The following GMFB variants were observed in gnomAD, a reference collection of about 807,000 sequenced individuals.
GMFB encodes the protein glia maturation factor beta.
Under a neutral mutation model 25.6 loss-of-function variants are expected in GMFB, and 13 were observed. The ratio of observed to expected loss-of-function variants is 0.51; its 90% CI spans 0.33 to 0.81. GMFB has a LOEUF of 0.81. GMFB is among the 30% of genes least tolerant of loss of function. GMFB has a pLI of 0.02. For synonymous variants in GMFB, 57 were observed against 56.9 expected (o/e 1.00, Z 0.00); for missense variants, 146 against 175.4 (o/e 0.83, Z 0.95).
intron 1 of GMFB, chr14:54,488,462 C>G (rs1035026841): frequency 4.4e-4 from 71 of 161,100 alleles, no homozygotes; most frequent in Non-Finnish European, 4.0e-5. Flanking sequence ...AGAATTCAAT[C>G]GGAATTCGAG....
chr14:54,478,177 A>C lies in GMFB; in HGVS notation c.358-18T>G. The C allele has an allele frequency of 9.5e-7, 1 of 1,050,198 alleles. No homozygotes were observed. The highest frequency in any genetic ancestry group is 1.3e-6 in the Non-Finnish European group (1 of 748,646). The allele number at this position is 1,050,198 out of a possible 1,614,324, so 65.1% of individuals were successfully genotyped here. On this transcript the variant is annotated intron_variant, in intron 6 of 6. Transcript: ENST00000358056. Reference sequence around the variant, plus strand: ...TCAAATACCTTTAAAAAAAAAAAAAACTTGGGTCATACTTTGACACTCCAA... The same window carrying C: ...TCAAATACCTTTAAAAAAAAAAAAACCTTGGGTCATACTTTGACACTCCAA...
intron 3 of GMFB, 115 bp from the exon 4 acceptor site, chr14:54,481,573 AT>A: frequency 1.5e-6 from 1 of 668,772 alleles, no homozygotes; most frequent in South Asian, 1.7e-5. Context: ...ATGCTACAAA[AT>A]AAAATTTTAT....
intron 1 of GMFB, among the ~76,000 whole-genome samples, chr14:54,486,617 A>T (rs2031785944): frequency 6.6e-6 from 1 of 152,200 alleles, no homozygotes; most frequent in African/African-American, 2.4e-5. Flanking sequence ...ATAGCAAAAA[A>T]TTCCCATTTA....
In GMFB at chr14:54,483,720, C is replaced by T. The variant is rs1255011964; in HGVS notation, c.51G>A (p.Lys17=). ...CTTTGCGAAAACGAAACTTTCTCAG[C>T]TTTTCCACTAAATCTTCGGCAACAT... ...VCDVAEDLVE[K]LRKFRFRKET... is the part of the protein sequence containing the mutation. The change falls in exon 2 of 7, where the codon AAG becomes AAA. Residue 17 remains lysine (K), a synonymous_variant. Transcript: ENST00000358056. 1 of 1,611,202 alleles carries T rather than the reference C, an allele frequency of 6.2e-7. No homozygotes were observed. Among genetic ancestry groups the T allele is most frequent in the South Asian group, 1.1e-5 (1 of 90,936 alleles).
intron 6 of GMFB, 92 bp downstream of exon 6, chr14:54,479,694 C>T (rs1429945126): frequency 5.6e-6 from 4 of 712,466 alleles, no homozygotes; most frequent in Non-Finnish European, 4.9e-6. Flanking sequence ...CCTTCACCTG[C>T]ATAAAAAATA....
chr14:54,488,614 A>C (rs1284400082), intron 1 of GMFB: 1 of 362,736 alleles, frequency 2.8e-6, no homozygotes, highest in African/African-American at 2.1e-5. Context: ...TACAGCTCAG[A>C]AGCTGAAGCC....
chr14:54,486,175 G>A (rs755421708), intron 1 of GMFB, among the ~76,000 whole-genome samples: 25 of 152,204 alleles, frequency 1.6e-4, no homozygotes, highest in East Asian at 3.9e-4. Context: ...GCTTGAACCC[G>A]GGAGGCTGAG....
intron 1 of GMFB, chr14:54,488,686 G>A (rs898221241): frequency 4.2e-6 from 2 of 478,910 alleles, no homozygotes. Context: ...CCGCACCCTA[G>A]TCCCATGGCC....
At chr14:54,485,621 C>T (rs1386328952) in intron 1 of GMFB, among the ~76,000 whole-genome samples, 1 of 152,080 alleles carries the variant, frequency 6.6e-6, no homozygotes, top group Non-Finnish European at 1.5e-5. Flanking sequence ...CAATGCAATC[C>T]CCATCAAAAT....
chr14:54,485,481 A>G (rs1195562632), intron 1 of GMFB, among the ~76,000 whole-genome samples: 2 of 152,196 alleles, frequency 1.3e-5, no homozygotes, highest in African/African-American at 4.8e-5. Context: ...AGATCTCTAC[A>G]ATGAAAATTA....
At position 54,483,683 on chromosome 14, in the gene GMFB, C is replaced by T. The variant is rs754058988; in HGVS notation, c.88G>A (p.Ala30Thr). The part of the protein sequence containing the change: ...KFRFRKETNN[A>T]AIIMKIDKDK... ...ACTTTTAGCTTACTTATAATAGCAG[C>T]GTTGTTCGTTTCTTTGCGAAAACGA... The change falls in exon 2 of 7, where the codon GCT becomes ACT. Residue 30 changes from alanine (A) to threonine (T), a missense_variant. Coordinates refer to ENST00000358056, the MANE Select transcript of GMFB (RefSeq NM_004124.3). The T allele has an allele frequency of 6.4e-6, 10 of 1,562,626 alleles. No individual in the cohort carries two copies. Among genetic ancestry groups the T allele is most frequent in the Non-Finnish European group, 7.9e-6 (9 of 1,134,138 alleles).
chr14:54,488,784 G>A, intron 1 of GMFB, 141 bp downstream of exon 1: 4 of 611,412 alleles, frequency 6.5e-6, no homozygotes, highest in Admixed American at 4.0e-5. Context: ...CTAGCTATGG[G>A]CACTGGCCAG....
intron 6 of GMFB, 90 bp downstream of exon 6, chr14:54,479,696 T>TA (rs1361833280): frequency 1.2e-5 from 9 of 734,922 alleles, no homozygotes; most frequent in Admixed American, 2.3e-5. Context: ...TTCACCTGCA[T>TA]AAAAAATACT....
chr14:54,482,258 C>T (rs946088366), intron 2 of GMFB, 56 bp from the exon 3 acceptor site: 1 of 1,077,196 alleles, frequency 9.3e-7, no homozygotes, highest in Admixed American at 1.9e-5. Context: ...CCTGATCTGC[C>T]CAACCCACAC....
rs767602007 is a variant in GMFB at position 54,482,208 on chromosome 14, A to G, written c.101-6T>C. ...TTTATCCTTGTCAATCTTCACTAAA[A>G]TAAAAATCAAGTATGAGTAAGCTGG... On this transcript the variant is annotated splice_region_variant and splice_polypyrimidine_tract_variant and intron_variant, in intron 2 of 6. Coordinates refer to ENST00000358056, the MANE Select transcript of GMFB (RefSeq NM_004124.3). 1 of 1,594,012 alleles carries G rather than the reference A, an allele frequency of 6.3e-7. No homozygotes were observed. Among genetic ancestry groups the G allele is most frequent in the African/African-American group, 1.3e-5 (1 of 74,648 alleles).
chr14:54,477,021 T>C lies in GMFB; in HGVS notation c.*1067A>G, dbSNP rs1206552030. 1 of 152,030 alleles carries C rather than the reference T, an allele frequency of 6.6e-6. No individual in the cohort carries two copies. The highest frequency in any genetic ancestry group is 1.5e-5 in the Non-Finnish European group (1 of 67,892). The allele number at this position is 152,030 out of a possible 1,614,324, so 9.4% of individuals were successfully genotyped here. A position where few individuals can be genotyped will look rare whatever the true frequency, so the allele number is the denominator to read the frequency against. ...ATTGCTATTGAAGTGTTAATGTTAT[T>C]AACTATGGCCAAAGTTTTAAGATAA... On this transcript the variant is annotated 3_prime_UTR_variant, in exon 7 of 7. Transcript: ENST00000358056.
At chr14:54,478,198 T>C (rs199653188) in intron 6 of GMFB, 39 bp from the exon 7 acceptor site, 9 of 737,666 alleles carry the variant, frequency 1.2e-5, no homozygotes, top group Middle Eastern at 2.7e-4. Flanking sequence ...ACTTTGACAC[T>C]CCAAAAAAAA....
At position 54,474,562 on chromosome 14, in the gene GMFB, T is replaced by C. The variant is rs1163997547; in HGVS notation, c.*3526A>G. On this transcript the variant is annotated 3_prime_UTR_variant, in exon 7 of 7. Transcript: ENST00000358056. ...AAGACTGTCCAAAATAAACATGCAATATGAACTAGCAGAGACTGAAACCAC... is the reference window on the plus strand; with the variant it reads ...AAGACTGTCCAAAATAAACATGCAACATGAACTAGCAGAGACTGAAACCAC... 4 of 152,628 alleles carry C rather than the reference T, an allele frequency of 2.6e-5. No individual in the cohort carries two copies. Among genetic ancestry groups the C allele is most frequent in the Non-Finnish European group, 4.4e-5 (3 of 68,030 alleles). 9.5% of individuals were successfully genotyped at this position (152,628 alleles called of 1,614,324 possible). A position where few individuals can be genotyped will look rare whatever the true frequency, so the allele number is the denominator to read the frequency against.
chr14:54,478,167 A>AG lies in GMFB; in HGVS notation c.358-9_358-8insC. The AG allele has an allele frequency of 8.4e-7, 1 of 1,194,494 alleles. No individual in the cohort carries two copies. Among genetic ancestry groups the AG allele is most frequent in the Non-Finnish European group, 1.1e-6 (1 of 875,256 alleles). The allele number at this position is 1,194,494 out of a possible 1,614,324, so 74.0% of individuals were successfully genotyped here. A position where few individuals can be genotyped will look rare whatever the true frequency, so the allele number is the denominator to read the frequency against. The stretch of plus-strand genomic sequence containing the variant: ...ATTTCTTATTTCAAATACCTTTAAA[A>AG]AAAAAAAAAACTTGGGTCATACTTT... On this transcript the variant is annotated splice_polypyrimidine_tract_variant and intron_variant, in intron 6 of 6. Coordinates refer to ENST00000358056, the MANE Select transcript of GMFB (RefSeq NM_004124.3).
Sources: gnomAD v4.1 joint callset for allele counts (sites outside exome capture counted in the v4.1 genomes callset) on GRCh38, gnomAD v4.1.1 for gene constraint, MANE v1.5 for transcripts, NCBI Gene and HGNC (gene_info 2026-07-23, HGNC 2026-07-21) for gene names.